The following PCDHA3 variants were observed in gnomAD, a reference collection of about 807,000 sequenced individuals.
The protein encoded by PCDHA3 is protocadherin alpha 3.
A neutral mutation model predicts 62.2 loss-of-function variants in PCDHA3; 41 were observed. The ratio of observed to expected loss-of-function variants is 0.66; its 90% CI spans 0.51 to 0.86. The LOEUF (loss-of-function observed/expected upper bound fraction) is 0.86. Ranked by LOEUF, PCDHA3 falls within the 40% of genes least tolerant of loss-of-function variation. The probability of loss-of-function intolerance (pLI) is 0.00; values close to 1 mark genes in which losing one functional copy is unlikely to be tolerated. For synonymous variants in PCDHA3, 640 were observed against 555.4 expected, an observed-to-expected ratio of 1.15 and a Z score of -2.14; for missense variants, 1,304 against 1,241.2, an observed-to-expected ratio of 1.05 and a Z score of -0.76.
chr5:140,822,550 T>C, intron 1 of PCDHA3: 1 of 1,613,768 alleles, frequency 6.2e-7, no homozygotes, highest in Non-Finnish European at 8.5e-7. Context: ...AAGTGGGACA[T>C]TAGTTATTAA....
Position 141,010,319 on chromosome 5 carries a change from C to G in PCDHA3, c.*382C>G. The G allele has an allele frequency of 6.5e-7, 1 of 1,545,436 alleles. No individual in the cohort carries two copies. Among genetic ancestry groups the G allele is most frequent in the South Asian group, 1.2e-5 (1 of 83,248 alleles). On this transcript the variant is annotated 3_prime_UTR_variant, in exon 4 of 4. Coordinates refer to ENST00000522353, the MANE Select transcript of PCDHA3 (RefSeq NM_018906.3). ...CAGGCTGAAAAGTTTTGAGATTGAG[C>G]AGCTTGGGAGTTTGTGGCCACTGGG...
chr5:140,850,169 G>C (rs2150470473), intron 1 of PCDHA3: 7 of 1,594,740 alleles, frequency 4.4e-6, no homozygotes, highest in Non-Finnish European at 6.0e-6. Context: ...TGCTGGACGA[G>C]AACGACAATG....
chr5:140,939,894 T>G (rs1554213013), intron 1 of PCDHA3, among the ~76,000 whole-genome samples: 2 of 152,220 alleles, frequency 1.3e-5, no homozygotes, highest in Non-Finnish European at 2.9e-5. Context: ...TGTTCAAATA[T>G]TCTGCATTCT....
intron 1 of PCDHA3, chr5:140,876,221 T>C: frequency 1.2e-6 from 2 of 1,613,988 alleles, no homozygotes; most frequent in Non-Finnish European, 1.7e-6. Context: ...TATAAAGTAG[T>C]GTTGTCTGAA....
At chr5:140,915,069 C>T (rs2076962975) in intron 1 of PCDHA3, among the ~76,000 whole-genome samples, 2 of 151,484 alleles carry the variant, frequency 1.3e-5, no homozygotes, top group Admixed American at 6.6e-5. Flanking sequence ...CCTTAGCCTA[C>T]TGAGTAGCTG....
intron 1 of PCDHA3, chr5:140,850,221 G>A: frequency 1.9e-6 from 3 of 1,593,734 alleles, no homozygotes; most frequent in South Asian, 2.2e-5. Context: ...CACTGACGGC[G>A]CAGTGAGCGA....
chr5:140,955,030 A>T (rs1453200706), intron 1 of PCDHA3, among the ~76,000 whole-genome samples: 2 of 152,312 alleles, frequency 1.3e-5, no homozygotes, highest in African/African-American at 4.8e-5. Context: ...TTAAATAGGG[A>T]ATCTTTTCCT....
chr5:140,823,332 G>T (rs1767664494), intron 1 of PCDHA3: 1 of 1,612,026 alleles, frequency 6.2e-7, no homozygotes, highest in Non-Finnish European at 8.5e-7. Context: ...TGTACGCGCT[G>T]CAGCCGCTGG....
At chr5:140,918,548 A>G (rs1360159345) in intron 1 of PCDHA3, among the ~76,000 whole-genome samples, 3 of 152,192 alleles carry the variant, frequency 2.0e-5, no homozygotes, top group Non-Finnish European at 4.4e-5. Context: ...TCCATGTGCA[A>G]TTGAGAAGAA....
At chr5:140,993,081 A>G (rs966669704) in intron 3 of PCDHA3, among the ~76,000 whole-genome samples, 34 of 152,234 alleles carry the variant, frequency 2.2e-4, no homozygotes, top group Non-Finnish European at 2.8e-4. Flanking sequence ...GTCTGCAATC[A>G]GCAGGGCTAT....
chr5:140,877,789 A>C, intron 1 of PCDHA3: 1 of 1,614,072 alleles, frequency 6.2e-7, no homozygotes, highest in Non-Finnish European at 8.5e-7. Flanking sequence ...CATGGCCTTC[A>C]GCCCAAGCCT....
rs781902121 is a variant in PCDHA3 at position 140,870,112 on chromosome 5, G to A, written c.2394+66521G>A. The A allele has an allele frequency of 1.2e-6, 2 of 1,613,938 alleles. No individual in the cohort carries two copies. The highest frequency in any genetic ancestry group is 8.5e-7 in the Non-Finnish European group (1 of 1,179,896). ...AATGGCAGGTCACTGTACAGTCTGG[G>A]TGGAAATCTTGGACACCAACGATAA... On this transcript the variant is annotated intron_variant, in intron 1 of 3. Coordinates refer to ENST00000522353, the MANE Select transcript of PCDHA3 (RefSeq NM_018906.3).
At chr5:140,878,585 C>T (rs2057657468) in intron 1 of PCDHA3, among the ~76,000 whole-genome samples, 1 of 152,152 alleles carries the variant, frequency 6.6e-6, no homozygotes, top group African/African-American at 2.4e-5. Flanking sequence ...CTGCCCTGTG[C>T]CTATTACCAA....
intron 1 of PCDHA3, chr5:140,857,730 C>T (rs782671299): frequency 6.3e-7 from 1 of 1,597,474 alleles, no homozygotes. Context: ...AACGACAACG[C>T]TCCCGCGCTG....
rs1554239929 is a variant in PCDHA3 at position 140,978,939 on chromosome 5, G to A, written c.2395-10G>A. 1 of 1,613,986 alleles carries A rather than the reference G, an allele frequency of 6.2e-7. No individual in the cohort carries two copies. The highest frequency in any genetic ancestry group is 1.3e-5 in the African/African-American group (1 of 74,908). On this transcript the variant is annotated splice_polypyrimidine_tract_variant and intron_variant, in intron 1 of 3. Transcript: ENST00000522353. ...CATTTTAACAGAAAACTCTCTTTGTGATTTTGCAGCCACGACAGCCCAACC... is the reference window on the plus strand; with the variant it reads ...CATTTTAACAGAAAACTCTCTTTGTAATTTTGCAGCCACGACAGCCCAACC...
intron 1 of PCDHA3, among the ~76,000 whole-genome samples, chr5:140,916,821 C>T (rs2077744344): frequency 6.6e-6 from 1 of 152,170 alleles, no homozygotes; most frequent in African/African-American, 2.4e-5. Flanking sequence ...TGTGCCACCC[C>T]TATCCCTCTG....
chr5:140,807,081 G>T, intron 1 of PCDHA3: 2 of 1,263,522 alleles, frequency 1.6e-6, no homozygotes, highest in Non-Finnish European at 2.2e-6. Flanking sequence ...TACACTCTTT[G>T]GAGTCTGAAA....
intron 1 of PCDHA3, chr5:140,805,597 T>A: frequency 1.1e-6 from 1 of 927,664 alleles, no homozygotes; most frequent in Non-Finnish European, 1.3e-6. Context: ...TGTCTTTATA[T>A]ATTAAATTTC....
At chr5:140,851,384 C>T (rs1414767152) in intron 1 of PCDHA3, 1 of 975,562 alleles carries the variant, frequency 1.0e-6, no homozygotes, top group East Asian at 1.1e-4. Flanking sequence ...CAGCAACCTT[C>T]AGTATCTATT....
Sources: gnomAD v4.1 joint callset for allele counts (sites outside exome capture counted in the v4.1 genomes callset) on GRCh38, gnomAD v4.1.1 for gene constraint, MANE v1.5 for transcripts, NCBI Gene and HGNC (gene_info 2026-07-23, HGNC 2026-07-21) for gene names.